Variants in SLC12A5 observed in about 807,000 individuals in gnomAD.
SLC12A5 encodes solute carrier family 12 member 5, also known as K-Cl cotransporter 2.
Under a neutral mutation model 124.0 loss-of-function variants are expected in SLC12A5, and 18 were observed. That is an observed-to-expected ratio of 0.15 (90% CI 0.10 to 0.22). The LOEUF (loss-of-function observed/expected upper bound fraction) is 0.22, where lower values mean the gene tolerates loss of function less well. Among genes scored for constraint, SLC12A5 ranks in the 10% least tolerant of loss-of-function variants. SLC12A5 has a pLI of 1.00. For missense variants in SLC12A5, 867 were observed against 1,478.7 expected (o/e 0.59, Z 6.78); for synonymous variants, 589 against 568.0 (o/e 1.04, Z -0.53).
chr20:46,053,467 A>G lies in SLC12A5; in HGVS notation c.2548-111A>G. 2 of 1,431,198 alleles carry G rather than the reference A, an allele frequency of 1.4e-6. No individual in the cohort carries two copies. The highest frequency in any genetic ancestry group is 1.8e-5 in the Admixed American group (1 of 56,442). 88.7% of individuals were successfully genotyped at this position (1,431,198 alleles called of 1,614,324 possible). A position where few individuals can be genotyped will look rare whatever the true frequency, so the allele number is the denominator to read the frequency against. On this transcript the variant is annotated intron_variant, in intron 19 of 25. Coordinates refer to ENST00000243964, the MANE Select transcript of SLC12A5 (RefSeq NM_020708.5). This position sits in a 1 kb window ranked among gnomAD's most constrained non-coding sequence, Gnocchi z 4.7. ...GACAGAGGATTTGGGGTCTGCATGT[A>G]TGTGTGAGGAGTGGGTGGGAAGAGG...
chr20:46,040,651 C>T (rs1266820207), intron 7 of SLC12A5, 37 bp downstream of exon 7: 1 of 1,606,564 alleles, frequency 6.2e-7, no homozygotes, highest in South Asian at 1.1e-5. Context: ...GAATCGTCCT[C>T]CTACCTCCCT....
In SLC12A5 at chr20:46,058,375, G is replaced by C. The variant is rs2084716455; in HGVS notation, c.*770G>C. On this transcript the variant is annotated 3_prime_UTR_variant, in exon 26 of 26. Transcript: ENST00000243964. The surrounding 1 kb of genome is among the most constrained non-coding windows in gnomAD (Gnocchi z 5.8). ...TCTTCGCCCTTTCCGCGCGCCCTTG[G>C]CTTCCCACCCTCCTCTCCAGTCCTT... is the stretch of plus-strand genomic sequence containing the variant. 1 of 398,154 alleles carries C rather than the reference G, an allele frequency of 2.5e-6. No individual in the cohort carries two copies. The highest frequency in any genetic ancestry group is 4.4e-5 in the Admixed American group (1 of 22,718). 24.7% of individuals were successfully genotyped at this position (398,154 alleles called of 1,614,324 possible).
Position 46,057,049 on chromosome 20 carries a change from G to A in SLC12A5, c.3126-121G>A. On this transcript the variant is annotated intron_variant, in intron 24 of 25. Coordinates refer to ENST00000243964, the MANE Select transcript of SLC12A5 (RefSeq NM_020708.5). This position sits in a 1 kb window ranked among gnomAD's most constrained non-coding sequence, Gnocchi z 7.1. ...GCCTAGCCTGGAGATGTTTAGGATT[G>A]GTGGTCCTAGGCTTGCAAGAACCAG... 2 of 1,583,286 alleles carry A rather than the reference G, an allele frequency of 1.3e-6. No homozygotes were observed. The highest frequency in any genetic ancestry group is 1.1e-5 in the South Asian group (1 of 89,972).
Position 46,045,316 on chromosome 20 carries a change from T to C in SLC12A5, c.1569+176T>C, listed in dbSNP as rs1395897854. Among the ~76,000 whole-genome samples the C allele has an allele frequency of 6.6e-6, 1 of 152,104 alleles. No homozygotes were observed. Among genetic ancestry groups the C allele is most frequent in the East Asian group, 1.9e-4 (1 of 5,188 alleles). ...GGTCTGAGGCACAGGGACAGGGTGGTGTGGGGTGTCAGGAGTTGGGCAGGG... is the reference window on the plus strand; with the variant it reads ...GGTCTGAGGCACAGGGACAGGGTGGCGTGGGGTGTCAGGAGTTGGGCAGGG... On this transcript the variant is annotated intron_variant, in intron 12 of 25. Transcript: ENST00000243964. The surrounding 1 kb of genome is among the most constrained non-coding windows in gnomAD (Gnocchi z 4.9).
At chr20:46,046,514 C>A (rs1156504884) in intron 14 of SLC12A5, 78 bp downstream of exon 14, 16 of 1,314,506 alleles carry the variant, frequency 1.2e-5, no homozygotes, top group Non-Finnish European at 1.7e-5. Flanking sequence ...CCAGTCCATC[C>A]CCTCTGGGTC....
At chr20:46,021,727 C>T, upstream of SLC12A5, 1 of 1,532,326 alleles carries the variant, frequency 6.5e-7, no homozygotes, top group Non-Finnish European at 8.7e-7. Flanking sequence ...CTTGTGCGAT[C>T]CCGGACCTTG....
chr20:46,056,513 G>A lies in SLC12A5; in HGVS notation c.3059G>A (p.Gly1020Asp). Residue 1020 changes from glycine (G) to aspartate (D), a missense_variant, in exon 23 of 26, where the codon GGC becomes GAC. Coordinates refer to ENST00000243964, the MANE Select transcript of SLC12A5 (RefSeq NM_020708.5). This position sits in a 1 kb window ranked among gnomAD's most constrained non-coding sequence, Gnocchi z 4.3. The part of the protein sequence containing the change: ...KDKSVAEKNK[G>D]PSPVSSEGIK... Reference sequence around the variant, plus strand: ...AAGTCGGTGGCAGAGAAGAATAAGGGCCCCAGTCCTGTCTCCTCTGAGGGC... The same window carrying A: ...AAGTCGGTGGCAGAGAAGAATAAGGACCCCAGTCCTGTCTCCTCTGAGGGC... 6.2e-7 allele frequency: 1 copy of A among 1,614,118 alleles called. No homozygotes were observed. Among genetic ancestry groups the A allele is most frequent in the Non-Finnish European group, 8.5e-7 (1 of 1,179,992 alleles).
Position 46,057,432 on chromosome 20 carries a change from A to T in SLC12A5, c.3260-82A>T. 3 of 1,601,232 alleles carry T rather than the reference A, an allele frequency of 1.9e-6. No individual in the cohort carries two copies. The highest frequency in any genetic ancestry group is 2.6e-6 in the Non-Finnish European group (3 of 1,168,440). On this transcript the variant is annotated intron_variant, in intron 25 of 25. Coordinates refer to ENST00000243964, the MANE Select transcript of SLC12A5 (RefSeq NM_020708.5). This position sits in a 1 kb window ranked among gnomAD's most constrained non-coding sequence, Gnocchi z 7.1. ...CACCTCGGACAGGGACACGGGCGCGAGAGGTCCCCTGGCAGCCGAGCGCGA... is the reference window on the plus strand; with the variant it reads ...CACCTCGGACAGGGACACGGGCGCGTGAGGTCCCCTGGCAGCCGAGCGCGA...
At chr20:46,022,974 G>GGAGGAA (rs1415215425) in exon 2 of SLC12A5, 2 of 369,408 alleles carry the variant, frequency 5.4e-6, no homozygotes, top group Admixed American at 5.0e-5. Context: ...AGGAGGAGGA[G>GGAGGAA]GAAGAGGAGG....
intron 18 of SLC12A5, 97 bp downstream of exon 18, chr20:46,051,967 C>T: frequency 6.6e-6 from 7 of 1,058,678 alleles, no homozygotes; most frequent in Non-Finnish European, 9.1e-6. Context: ...GAGGGGTTTC[C>T]CAAGCACTGC....
intron 11 of SLC12A5, 33 bp downstream of exon 11, chr20:46,043,966 G>A (rs181152183): frequency 1.3e-6 from 2 of 1,556,726 alleles, no homozygotes; most frequent in Non-Finnish European, 1.7e-6. Flanking sequence ...TATTCTGGGG[G>A]AGGGGTGGGT....
intron 7 of SLC12A5, 76 bp from the exon 8 acceptor site, chr20:46,041,253 T>A: frequency 5.4e-6 from 7 of 1,292,434 alleles, no homozygotes; most frequent in Non-Finnish European, 7.7e-6. Flanking sequence ...GTTTAAAAGG[T>A]CTCCCGGTGG....
At position 46,056,400 on chromosome 20, in the gene SLC12A5, C is replaced by T; in HGVS notation, c.2946C>T (p.Cys982=). ...TCCACGATCAGAGTGCTCCCAGCTG[C>T]CCCAGCAGCTCCCCGTCCCCAGGGG... ...QLIHDQSAPS[C]PSSSPSPGEE... The change falls in exon 23 of 26, where the codon TGC becomes TGT. Residue 982 remains cysteine, a synonymous_variant. Coordinates refer to ENST00000243964, the MANE Select transcript of SLC12A5 (RefSeq NM_020708.5). This position sits in a 1 kb window ranked among gnomAD's most constrained non-coding sequence, Gnocchi z 4.3. The T allele has an allele frequency of 6.2e-7, 1 of 1,613,048 alleles. No individual in the cohort carries two copies. Among genetic ancestry groups the T allele is most frequent in the Non-Finnish European group, 8.5e-7 (1 of 1,179,396 alleles).
At chr20:46,022,011 C>A in intron 1 of SLC12A5, 1 of 1,154,398 alleles carries the variant, frequency 8.7e-7, no homozygotes, top group Non-Finnish European at 1.1e-6. Flanking sequence ...AGCCCTAGGC[C>A]TGAGAGGGGA....
In SLC12A5 at chr20:46,059,588, T is replaced by C. The variant is rs981742137; in HGVS notation, c.*1983T>C. 2.5e-6 allele frequency: 1 copy of C among 398,954 alleles called. No homozygotes were observed. The highest frequency in any genetic ancestry group is 4.4e-6 in the Non-Finnish European group (1 of 226,074). The allele number at this position is 398,954 out of a possible 1,614,324, so 24.7% of individuals were successfully genotyped here. A position where few individuals can be genotyped will look rare whatever the true frequency, so the allele number is the denominator to read the frequency against. On this transcript the variant is annotated 3_prime_UTR_variant, in exon 26 of 26. Coordinates refer to ENST00000243964, the MANE Select transcript of SLC12A5 (RefSeq NM_020708.5). ...CAATTAGGGAACCAAAGTTGCACTA[T>C]CTGGGCCCAGATTGTCTGGTTGGCA...
At chr20:46,048,211 A>C in intron 16 of SLC12A5, 126 bp downstream of exon 16, 1 of 744,296 alleles carries the variant, frequency 1.3e-6, no homozygotes, top group Non-Finnish European at 2.1e-6. Context: ...CGTGCCCTAA[A>C]AGCCCAGCCT....
intron 8 of SLC12A5, among the ~76,000 whole-genome samples, chr20:46,042,076 G>T (rs4812985): frequency 0.029 from 4,427 of 152,310 alleles, 169 homozygotes; most frequent in Admixed American, 0.12. Context: ...AGCAGGCAGA[G>T]GCAGAAGAGT....
Position 46,037,311 on chromosome 20 carries a change from G to A in SLC12A5, c.538G>A (p.Val180Met). 1 of 1,612,852 alleles carries A rather than the reference G, an allele frequency of 6.2e-7. No individual in the cohort carries two copies. Among genetic ancestry groups the A allele is most frequent in the Non-Finnish European group, 8.5e-7 (1 of 1,179,274 alleles). Reference protein sequence around the residue: ...RSLGPEFGGAVGLCFYLGTTF... With the variant: ...RSLGPEFGGAMGLCFYLGTTF... ...TCTGGGCCCAGAGTTTGGGGGTGCC[G>A]TGGGCCTCTGCTTCTACCTGGGCAC... The change falls in exon 6 of 26, where the codon GTG becomes ATG. Residue 180 changes from valine (V) to methionine (M), a missense_variant. Val to Met is a conservative substitution (Grantham distance 21, BLOSUM62 1). Around this residue, in one of 9 missense-constraint regions of SLC12A5, gnomAD observed 126 missense variants for 291.6 expected, o/e 0.43. Transcript: ENST00000243964.
intron 18 of SLC12A5, 39 bp downstream of exon 18, chr20:46,051,909 G>T: frequency 7.8e-7 from 1 of 1,273,998 alleles, no homozygotes; most frequent in Non-Finnish European, 1.1e-6. Context: ...GAGGGGTGGG[G>T]CTGGGGGCTG....
Sources: allele counts gnomAD v4.1 joint callset (sites outside exome capture counted in the v4.1 genomes callset), GRCh38; gene constraint gnomAD v4.1.1; regional missense constraint gnomAD v4.1.1; non-coding constraint Gnocchi (gnomAD v3.1); transcripts MANE v1.5; gene names NCBI Gene and HGNC (gene_info 2026-07-23, HGNC 2026-07-21).